NT5DC3: variants seen among roughly 807,000 people sequenced by gnomAD.
The protein encoded by NT5DC3 is 5'-nucleotidase domain-containing protein 3.
NT5DC3 carries 42 observed loss-of-function variants against 67.8 expected under a neutral mutation model. That is an observed-to-expected ratio of 0.62 (90% CI 0.48 to 0.80). The LOEUF (loss-of-function observed/expected upper bound fraction) is 0.80, where lower values mean the gene tolerates loss of function less well. NT5DC3 is among the 30% of genes least tolerant of loss of function. The pLI is 0.00. For missense variants in NT5DC3, 570 were observed against 696.4 expected (o/e 0.82, Z 2.04); for synonymous variants, 237 against 255.6 (o/e 0.93, Z 0.69).
chr12:103,789,489 T>C (rs1032320543), intron 9 of NT5DC3, among the ~76,000 whole-genome samples: 6 of 152,204 alleles, frequency 3.9e-5, no homozygotes, highest in Admixed American at 1.3e-4. Flanking sequence ...GAAAACACCA[T>C]GCACTAAACA....
chr12:103,772,334 A>G lies in NT5DC3; in HGVS notation c.*5495T>C, dbSNP rs975547299. ...ATACAATTCAAACTTTTATTTGGCAATAAGTTCAGAGTCACATAACACATA... is the reference window on the plus strand; with the variant it reads ...ATACAATTCAAACTTTTATTTGGCAGTAAGTTCAGAGTCACATAACACATA... On this transcript the variant is annotated 3_prime_UTR_variant, in exon 14 of 14. Transcript: ENST00000392876. 6.6e-6 allele frequency: 1 copy of G among 152,544 alleles called. No homozygotes were observed. Among genetic ancestry groups the G allele is most frequent in the Non-Finnish European group, 1.5e-5 (1 of 68,040 alleles). The allele number at this position is 152,544 out of a possible 1,614,324, so 9.4% of individuals were successfully genotyped here.
chr12:103,827,515 A>G (rs1168283391), intron 1 of NT5DC3, among the ~76,000 whole-genome samples: 1 of 152,202 alleles, frequency 6.6e-6, no homozygotes, highest in African/African-American at 2.4e-5. Flanking sequence ...GTGTTTCTCA[A>G]GTAGATTTTT....
intron 10 of NT5DC3, among the ~76,000 whole-genome samples, chr12:103,788,451 A>T (rs1029850643): frequency 2.1e-4 from 32 of 151,824 alleles, no homozygotes; most frequent in Non-Finnish European, 3.2e-4. Flanking sequence ...GTCTTAATAA[A>T]TTTTTTTTTA....
chr12:103,816,453 T>C (rs1338607224), intron 1 of NT5DC3, among the ~76,000 whole-genome samples: 1 of 152,240 alleles, frequency 6.6e-6, no homozygotes, highest in African/African-American at 2.4e-5. Context: ...CCTTCATGTG[T>C]TAATCTTCAC....
the NT5DC3 span, chr12:103,763,431 T>C: frequency 1.3e-6 from 2 of 1,515,804 alleles, no homozygotes; most frequent in Non-Finnish European, 9.1e-7. Context: ...ACCTGCCAAC[T>C]TGGCTGAGAC....
At chr12:103,806,776 T>C in intron 3 of NT5DC3, 79 bp downstream of exon 3, 1 of 902,682 alleles carries the variant, frequency 1.1e-6, no homozygotes, top group Non-Finnish European at 1.8e-6. Context: ...ATTTGCCCGT[T>C]CAGTAAAGAA....
At chr12:103,756,993 G>GAAAAAA in the NT5DC3 span, among the ~76,000 whole-genome samples, 1 of 15,270 alleles carries the variant, frequency 6.5e-5, no homozygotes, top group African/African-American at 4.0e-4. Flanking sequence ...CAGAAGGAGG[G>GAAAAAA]AAAATATATA....
Position 103,776,482 on chromosome 12 carries a change from G to A in NT5DC3, c.*1347C>T, listed in dbSNP as rs1286464767. ...AGGCAGGAGAATCGCTTGAACCCGG[G>A]AGGCAGAGGTTGCAGTGAGCTGAGA... On this transcript the variant is annotated 3_prime_UTR_variant, in exon 14 of 14. Coordinates refer to ENST00000392876, the MANE Select transcript of NT5DC3 (RefSeq NM_001031701.3). The A allele has an allele frequency of 6.6e-6, 1 of 152,228 alleles. No homozygotes were observed. Among genetic ancestry groups the A allele is most frequent in the East Asian group, 1.9e-4 (1 of 5,198 alleles). 9.4% of individuals were successfully genotyped at this position (152,228 alleles called of 1,614,324 possible).
intron 1 of NT5DC3, among the ~76,000 whole-genome samples, chr12:103,822,401 C>T (rs774114206): frequency 2.0e-5 from 3 of 152,102 alleles, no homozygotes; most frequent in Non-Finnish European, 2.9e-5. Flanking sequence ...AGCTGGTAAA[C>T]TAAATGTTCA....
Position 103,793,833 on chromosome 12 carries a change from A to C in NT5DC3, c.814+104T>G, listed in dbSNP as rs1200997056. 4.8e-5 allele frequency: 44 copies of C among 907,508 alleles called. No individual in the cohort carries two copies. The Admixed American group carries it at 7.2e-4, about 15-fold the overall frequency. 56.2% of individuals were successfully genotyped at this position (907,508 alleles called of 1,614,324 possible). A position where few individuals can be genotyped will look rare whatever the true frequency, so the allele number is the denominator to read the frequency against. On this transcript the variant is annotated intron_variant, in intron 7 of 13. Transcript: ENST00000392876. ...GATGCCAGGTCCTTACAGAGCACTC[A>C]TGCAGCCTCTGCTTAGCACCTGGAA...
intron 2 of NT5DC3, among the ~76,000 whole-genome samples, chr12:103,809,337 G>A (rs1480009530): frequency 6.6e-6 from 1 of 152,204 alleles, no homozygotes; most frequent in Non-Finnish European, 1.5e-5. Flanking sequence ...TCCCCAGCAG[G>A]ACATGCCCTC....
At chr12:103,786,875 GT>G (rs1250955006) in intron 11 of NT5DC3, among the ~76,000 whole-genome samples, 1 of 151,956 alleles carries the variant, frequency 6.6e-6, no homozygotes, top group Non-Finnish European at 1.5e-5. Flanking sequence ...TAGAGACAGG[GT>G]TTCACAACGC....
At chr12:103,837,680 C>T (rs1182786280) in intron 1 of NT5DC3, among the ~76,000 whole-genome samples, 3 of 152,236 alleles carry the variant, frequency 2.0e-5, no homozygotes, top group Non-Finnish European at 4.4e-5. Context: ...CAAAAGTTAC[C>T]TTTGCTCCAG....
chr12:103,752,249 G>GT, the NT5DC3 span, among the ~76,000 whole-genome samples: 1 of 152,094 alleles, frequency 6.6e-6, no homozygotes, highest in East Asian at 1.9e-4. Flanking sequence ...CAAATTCATT[G>GT]TAAGGTATTT....
rs761003151 is a variant in NT5DC3, at chr12:103,785,339, A to G, written c.1325T>C (p.Met442Thr). Residue 442 changes from methionine to threonine, a missense_variant, in exon 12 of 14, where the codon ATG (methionine) becomes ACG (threonine). By Grantham distance (81) the Met-to-Thr change is moderately conservative (BLOSUM62 -1). This residue lies in a region of NT5DC3 where 466 missense variants were observed against 608.0 expected (regional missense o/e 0.77). Coordinates refer to ENST00000392876, the MANE Select transcript of NT5DC3 (RefSeq NM_001031701.3). ...LQTLTGLLEQ[M>T]QVHRDAESQL... ...AGAAAAATAATATATCCAAACCTGCATCTGTTCCAATAAGCCAGTCAAGGT... is the reference window on the plus strand; with the variant it reads ...AGAAAAATAATATATCCAAACCTGCGTCTGTTCCAATAAGCCAGTCAAGGT... 8 of 1,613,972 alleles carry G rather than the reference A, an allele frequency of 5.0e-6. No individual in the cohort carries two copies. In the Admixed American group the frequency reaches 8.3e-5, roughly 17 times the overall value.
the NT5DC3 span, among the ~76,000 whole-genome samples, chr12:103,751,165 A>G: frequency 6.6e-6 from 1 of 152,184 alleles, no homozygotes; most frequent in Non-Finnish European, 1.5e-5. Flanking sequence ...ATCAGTATGT[A>G]CTGGATCTCT....
intron 1 of NT5DC3, among the ~76,000 whole-genome samples, chr12:103,833,180 C>G (rs1014126211): frequency 1.3e-5 from 2 of 152,198 alleles, no homozygotes; most frequent in Non-Finnish European, 2.9e-5. Flanking sequence ...AAGCACTAAA[C>G]CTACTACCCC....
rs758363722 is a variant in NT5DC3 at position 103,806,344 on chromosome 12, T to C, written c.502A>G (p.Ile168Val). ...VLMKIDAFHYIQLGTVYRGLS... is the reference protein window; with the variant it reads ...VLMKIDAFHYVQLGTVYRGLS... ...TACCTGTAGACAGTTCCCAGCTGGA[T>C]ATAATGAAAAGCATCGATCTTCATT... The change falls in exon 4 of 14, where the codon ATC becomes GTC. Residue 168 changes from isoleucine to valine, a missense_variant. Ile to Val is a conservative substitution (Grantham distance 29). Around this residue, in one of 2 missense-constraint regions of NT5DC3, gnomAD observed 466 missense variants for 608.0 expected, o/e 0.77. Coordinates refer to ENST00000392876, the MANE Select transcript of NT5DC3 (RefSeq NM_001031701.3). 7.5e-6 allele frequency: 12 copies of C among 1,604,866 alleles called. No individual in the cohort carries two copies. Among genetic ancestry groups the C allele is most frequent in the Non-Finnish European group, 9.4e-6 (11 of 1,171,680 alleles).
At chr12:103,765,899 G>A, downstream of NT5DC3, 1 of 356,446 alleles carries the variant, frequency 2.8e-6, no homozygotes, top group Non-Finnish European at 5.5e-6. Flanking sequence ...GGTTCAAGAT[G>A]AATTTTCAAA....
Sources: gnomAD v4.1 joint callset for allele counts (sites outside exome capture counted in the v4.1 genomes callset) on GRCh38, gnomAD v4.1.1 for gene constraint, gnomAD v4.1.1 regional missense constraint, MANE v1.5 for transcripts, NCBI Gene and HGNC (gene_info 2026-07-23, HGNC 2026-07-21) for gene names.